The following OVOL2 variants were observed in gnomAD, a reference collection of about 807,000 sequenced individuals.
OVOL2 encodes ovo like zinc finger 2, also known as transcription factor Ovo-like 2.
A neutral mutation model predicts 18.1 loss-of-function variants in OVOL2; 13 were observed. The observed-to-expected ratio is 0.72, with a 90% confidence interval of 0.47 to 1.14. The LOEUF (loss-of-function observed/expected upper bound fraction) is 1.14, where lower values mean the gene tolerates loss of function less well. Among genes scored for constraint, OVOL2 ranks in the 50% most tolerant of loss-of-function variants. The pLI is 0.00. For synonymous variants in OVOL2, 166 were observed against 162.7 expected (o/e 1.02, Z -0.16); for missense variants, 335 against 383.0 (o/e 0.87, Z 1.05).
At position 18,024,580 on chromosome 20, in the gene OVOL2, A is replaced by G; in HGVS notation, c.*56T>C. On this transcript the variant is annotated 3_prime_UTR_variant, in exon 4 of 4. Transcript: ENST00000278780. ...GTGGGGTGGGGGAAGCTGAAAACCAAAAATCCACGTAGACATACGTGGCAG... is the reference window on the plus strand; with the variant it reads ...GTGGGGTGGGGGAAGCTGAAAACCAGAAATCCACGTAGACATACGTGGCAG... The G allele has an allele frequency of 3.4e-6, 5 of 1,486,608 alleles. No homozygotes were observed. The South Asian group carries it at 6.9e-5, about 20-fold the overall frequency. The allele number at this position is 1,486,608 out of a possible 1,614,324, so 92.1% of individuals were successfully genotyped here.
At chr20:18,042,203 G>A (rs1164565323) in intron 2 of OVOL2, among the ~76,000 whole-genome samples, 1 of 151,912 alleles carries the variant, frequency 6.6e-6, no homozygotes, top group African/African-American at 2.4e-5. Flanking sequence ...ATGAGCCACC[G>A]CACCCAGCCA....
chr20:18,026,667 C>A (rs1302987551), intron 3 of OVOL2, among the ~76,000 whole-genome samples: 2 of 152,194 alleles, frequency 1.3e-5, no homozygotes, highest in African/African-American at 4.8e-5. Context: ...AGGCGTGAGC[C>A]ACCGCGCCGG....
chr20:18,042,819 T>TCTTG (rs1333541741), intron 2 of OVOL2, among the ~76,000 whole-genome samples: 1 of 147,976 alleles, frequency 6.8e-6, no homozygotes, highest in Non-Finnish European at 1.5e-5. Context: ...CTCCCCTCTC[T>TCTTG]CTTGCTTCCT....
At chr20:18,041,792 C>T (rs965216162) in intron 2 of OVOL2, 69 bp from the exon 3 acceptor site, 64 of 1,449,914 alleles carry the variant, frequency 4.4e-5, no homozygotes, top group Non-Finnish European at 5.9e-5. Context: ...ACTCAAGAGA[C>T]CCACCTCCCT....
At chr20:18,054,778 AAAAAG>A (rs1237083522) in intron 2 of OVOL2, among the ~76,000 whole-genome samples, 5 of 140,412 alleles carry the variant, frequency 3.6e-5, no homozygotes, top group African/African-American at 1.4e-4. Context: ...AAAAAAAAAA[AAAAAG>A]AAAGAAAAGA....
chr20:18,048,199 A>C (rs1169379793), intron 2 of OVOL2, among the ~76,000 whole-genome samples: 1 of 151,762 alleles, frequency 6.6e-6, no homozygotes, highest in Non-Finnish European at 1.5e-5. Flanking sequence ...AGGCACGAGA[A>C]TCACTTGAAC....
Position 18,056,085 on chromosome 20 carries a change from T to TCTTGAATTG in OVOL2, c.321+571_321+572insCAATTCAAG, listed in dbSNP as rs2036821192. ...TCAATTTAATTCAAGATTGGAAAGA[T>TCTTGAATTG]GACAGATCTAAAGTGCCGTGCACAA... On this transcript the variant is annotated intron_variant, in intron 2 of 3. Transcript: ENST00000278780. This position sits in a 1 kb window ranked among gnomAD's most constrained non-coding sequence, Gnocchi z 4.2. Among the ~76,000 whole-genome samples the TCTTGAATTG allele has an allele frequency of 6.6e-6, 1 of 152,220 alleles. No homozygotes were observed. The highest frequency in any genetic ancestry group is 2.4e-5 in the African/African-American group (1 of 41,460).
intron 3 of OVOL2, among the ~76,000 whole-genome samples, chr20:18,032,677 TTG>T (rs199853552): frequency 0.1 from 15,491 of 152,082 alleles, 859 homozygotes; most frequent in Middle Eastern, 0.15. Context: ...CAGCTAATTT[TTG>T]TGTTTTTAGT....
At position 18,056,501 on chromosome 20, in the gene OVOL2, G is replaced by A. The variant is rs1186136872; in HGVS notation, c.321+156C>T. On this transcript the variant is annotated intron_variant, in intron 2 of 3. Transcript: ENST00000278780. This position sits in a 1 kb window ranked among gnomAD's most constrained non-coding sequence, Gnocchi z 4.2. ...GAGGACGCGCCGAGGCGCCCTGGCCGCCGCCCAGGGGCAGGTGCAGGAGCG... is the reference window on the plus strand; with the variant it reads ...GAGGACGCGCCGAGGCGCCCTGGCCACCGCCCAGGGGCAGGTGCAGGAGCG... Among the ~76,000 whole-genome samples the A allele has an allele frequency of 6.6e-6, 1 of 150,434 alleles. No homozygotes were observed. Among genetic ancestry groups the A allele is most frequent in the African/African-American group, 2.4e-5 (1 of 41,204 alleles).
chr20:18,057,908 A>G lies in OVOL2; in HGVS notation c.-274T>C. 7.7e-7 allele frequency: 1 copy of G among 1,299,274 alleles called. No homozygotes were observed. Among genetic ancestry groups the G allele is most frequent in the Non-Finnish European group, 9.7e-7 (1 of 1,026,490 alleles). The allele number at this position is 1,299,274 out of a possible 1,614,324, so 80.5% of individuals were successfully genotyped here. On this transcript the variant is annotated 5_prime_UTR_variant, in exon 1 of 4. Coordinates refer to ENST00000278780, the MANE Select transcript of OVOL2 (RefSeq NM_021220.4). This position sits in a 1 kb window ranked among gnomAD's most constrained non-coding sequence, Gnocchi z 6.3. ...CATAAGGTGGAATAGAAAAGGCACC[A>G]GGAAACTTGGGACTGAGCATGCGCC...
intron 3 of OVOL2, among the ~76,000 whole-genome samples, chr20:18,029,231 G>A (rs2036545984): frequency 6.6e-6 from 1 of 152,042 alleles, no homozygotes. Flanking sequence ...GTTTCACCAT[G>A]TTGACCAGGC....
chr20:18,024,429 C>T lies in OVOL2; in HGVS notation c.*207G>A. On this transcript the variant is annotated 3_prime_UTR_variant, in exon 4 of 4. Coordinates refer to ENST00000278780, the MANE Select transcript of OVOL2 (RefSeq NM_021220.4). ...CTTTGGTGAATGTGAGCAACTGCGC[C>T]AGACAGGACACAGGTTACAGGGCCT... The T allele has an allele frequency of 9.0e-7, 1 of 1,114,122 alleles. No individual in the cohort carries two copies. Among genetic ancestry groups the T allele is most frequent in the Non-Finnish European group, 1.2e-6 (1 of 837,558 alleles). 69.0% of individuals were successfully genotyped at this position (1,114,122 alleles called of 1,614,324 possible). A position where few individuals can be genotyped will look rare whatever the true frequency, so the allele number is the denominator to read the frequency against.
At chr20:18,033,047 G>A (rs6045151) in intron 3 of OVOL2, among the ~76,000 whole-genome samples, 1 of 152,196 alleles carries the variant, frequency 6.6e-6, no homozygotes, top group African/African-American at 2.4e-5. Context: ...ACAGCATTCA[G>A]GCCACTAGGG....
At position 18,024,635 on chromosome 20, in the gene OVOL2, C is replaced by T; in HGVS notation, c.*1G>A. ...AACGTCTGTCCTCCCCTTCCTTCTC[C>T]TCACTTCCTCTCCTCCTCCTCACTC... On this transcript the variant is annotated 3_prime_UTR_variant, in exon 4 of 4. Transcript: ENST00000278780. The T allele has an allele frequency of 6.3e-7, 1 of 1,589,778 alleles. No homozygotes were observed. The highest frequency in any genetic ancestry group is 8.6e-7 in the Non-Finnish European group (1 of 1,164,914).
At chr20:18,051,318 C>A (rs977832625) in intron 2 of OVOL2, among the ~76,000 whole-genome samples, 1 of 152,012 alleles carries the variant, frequency 6.6e-6, no homozygotes, top group South Asian at 2.1e-4. Context: ...GTAAATAAAG[C>A]GAATCCAGCA....
chr20:18,037,135 C>CAAAAAAAAAA (rs762848266), intron 3 of OVOL2, among the ~76,000 whole-genome samples: 156 of 73,330 alleles, frequency 2.1e-3, no homozygotes, highest in African/African-American at 6.8e-3. Flanking sequence ...GACTCCGTCT[C>CAAAAAAAAAA]AAAAAAAAAA....
chr20:18,028,590 C>T (rs1205928913), intron 3 of OVOL2, among the ~76,000 whole-genome samples: 1 of 151,828 alleles, frequency 6.6e-6, no homozygotes, highest in Non-Finnish European at 1.5e-5. Flanking sequence ...GTCGGGAGTT[C>T]GAGACCTGCC....
Position 18,057,515 on chromosome 20 carries a change from C to G in OVOL2, c.100+20G>C, listed in dbSNP as rs1212327677. The G allele has an allele frequency of 1.3e-6, 2 of 1,549,268 alleles. No homozygotes were observed. Among genetic ancestry groups the G allele is most frequent in the East Asian group, 2.5e-5 (1 of 40,536 alleles). On this transcript the variant is annotated intron_variant, in intron 1 of 3. Coordinates refer to ENST00000278780, the MANE Select transcript of OVOL2 (RefSeq NM_021220.4). This position sits in a 1 kb window ranked among gnomAD's most constrained non-coding sequence, Gnocchi z 6.3. Reference sequence around the variant, plus strand: ...ACCCCGGGAGCCCAGCGCCCAGGCCCGGCCCCCGCGCGCGCTCACCTGGGA... The same window carrying G: ...ACCCCGGGAGCCCAGCGCCCAGGCCGGGCCCCCGCGCGCGCTCACCTGGGA...
chr20:18,024,589 G>A lies in OVOL2; in HGVS notation c.*47C>T, dbSNP rs896747972. On this transcript the variant is annotated 3_prime_UTR_variant, in exon 4 of 4. Coordinates refer to ENST00000278780, the MANE Select transcript of OVOL2 (RefSeq NM_021220.4). The stretch of plus-strand genomic sequence containing the variant: ...GGGAAGCTGAAAACCAAAAATCCAC[G>A]TAGACATACGTGGCAGTGTGAACGT... 41 of 1,497,728 alleles carry A rather than the reference G, an allele frequency of 2.7e-5. No homozygotes were observed. Among genetic ancestry groups the A allele is most frequent in the East Asian group, 4.9e-5 (2 of 41,202 alleles). The allele number at this position is 1,497,728 out of a possible 1,614,324, so 92.8% of individuals were successfully genotyped here.
Sources: gnomAD v4.1 joint callset for allele counts (sites outside exome capture counted in the v4.1 genomes callset) on GRCh38, gnomAD v4.1.1 for gene constraint, Gnocchi (gnomAD v3.1) non-coding constraint, MANE v1.5 for transcripts, NCBI Gene and HGNC (gene_info 2026-07-23, HGNC 2026-07-21) for gene names.